Variants in SLC28A1 observed in about 807,000 individuals in gnomAD.
The protein encoded by SLC28A1 is sodium/nucleoside cotransporter 1.
Under a neutral mutation model 74.8 loss-of-function variants are expected in SLC28A1, and 64 were observed. The ratio of observed to expected loss-of-function variants is 0.86; its 90% confidence interval spans 0.70 to 1.05. The LOEUF is 1.05. Among genes scored for constraint, SLC28A1 ranks in the 50% least tolerant of loss-of-function variants. SLC28A1 has a pLI of 0.00. For synonymous variants in SLC28A1, 359 were observed against 335.0 expected (o/e 1.07, Z -0.78); for missense variants, 828 against 822.8 (o/e 1.01, Z -0.08).
chr15:84,887,226 T>C (rs774053625), intron 2 of SLC28A1, among the ~76,000 whole-genome samples: 1 of 152,228 alleles, frequency 6.6e-6, no homozygotes, highest in Non-Finnish European at 1.5e-5. Flanking sequence ...TAACCAGTTG[T>C]AGGGAGTGAT....
chr15:84,892,066 G>A lies in SLC28A1; in HGVS notation c.277+1532G>A, dbSNP rs1045975880. ...ATTAAAGAGGGGCCAGGCATGGCAG[G>A]TGGTTCATGCCTGTAATCCCAGCAC... On this transcript the variant is annotated intron_variant, in intron 5 of 18. Transcript: ENST00000394573. 2.0e-5 allele frequency among the ~76,000 whole-genome samples: 3 copies of A among 152,090 alleles called. No homozygotes were observed. The East Asian group carries it at 5.8e-4, about 29-fold the overall frequency.
intron 6 of SLC28A1, among the ~76,000 whole-genome samples, chr15:84,897,975 T>TA (rs1359393271): frequency 6.6e-6 from 1 of 152,220 alleles, no homozygotes; most frequent in Non-Finnish European, 1.5e-5. Flanking sequence ...CATTGTTTTT[T>TA]TATGGCTGAA....
intron 5 of SLC28A1, among the ~76,000 whole-genome samples, chr15:84,891,598 C>T (rs1338089549): frequency 2.0e-5 from 3 of 152,134 alleles, no homozygotes; most frequent in African/African-American, 7.2e-5. Context: ...GCCAAAGGAG[C>T]AAGGGTTTCA....
the SLC28A1 span, among the ~76,000 whole-genome samples, chr15:84,955,249 G>A: frequency 6.6e-6 from 1 of 152,080 alleles, no homozygotes; most frequent in Non-Finnish European, 1.5e-5. Context: ...CATCCCCTTT[G>A]GTGCCCATCT....
downstream of SLC28A1, among the ~76,000 whole-genome samples, chr15:84,946,098 A>ATTTT (rs1567196328): frequency 1.9e-4 from 3 of 15,506 alleles, 1 homozygote; most frequent in African/African-American, 5.4e-4. Flanking sequence ...ATATATATAT[A>ATTTT]TATATATATA....
chr15:84,908,569 C>T (rs534235574), intron 8 of SLC28A1, 149 bp from the exon 9 acceptor site: 136 of 705,792 alleles, frequency 1.9e-4, no homozygotes, highest in East Asian at 1.8e-3. Flanking sequence ...GCAGCTTTAA[C>T]GCACCTTGCC....
the SLC28A1 span, chr15:84,961,560 T>G: frequency 2.2e-6 from 1 of 450,988 alleles, no homozygotes; most frequent in Non-Finnish European, 4.4e-6. Context: ...AGGCTGGTCT[T>G]GAACTCCTGG....
chr15:84,928,606 T>TTCCTTC (rs1567172744), intron 12 of SLC28A1, among the ~76,000 whole-genome samples: 4 of 42,444 alleles, frequency 9.4e-5, no homozygotes, highest in African/African-American at 9.7e-5. Context: ...TTCTTTCTTT[T>TTCCTTC]CTTTCTTTCT....
chr15:84,902,540 C>T (rs918875508), intron 6 of SLC28A1, among the ~76,000 whole-genome samples: 11 of 150,976 alleles, frequency 7.3e-5, no homozygotes, highest in Admixed American at 4.0e-4. Context: ...TACCTGGGAA[C>T]GGGGAGGGAG....
chr15:84,974,973 T>C, the SLC28A1 span, among the ~76,000 whole-genome samples: 1 of 152,008 alleles, frequency 6.6e-6, no homozygotes, highest in Non-Finnish European at 1.5e-5. Flanking sequence ...GTAGGGATAG[T>C]GATGGGGTGA....
chr15:84,894,879 C>T, intron 5 of SLC28A1, 61 bp from the exon 6 acceptor site: 1 of 1,540,114 alleles, frequency 6.5e-7, no homozygotes, highest in Non-Finnish European at 9.0e-7. Context: ...GCGGGCGGGG[C>T]TGCAGGGTTC....
At chr15:84,952,145 C>T in the SLC28A1 span, among the ~76,000 whole-genome samples, 1 of 152,178 alleles carries the variant, frequency 6.6e-6, no homozygotes, top group African/African-American at 2.4e-5. Flanking sequence ...GAAGGACAGG[C>T]TTCTCAGGTC....
At position 84,906,573 on chromosome 15, in the gene SLC28A1, T is replaced by TG. The variant is rs1567140724; in HGVS notation, c.717+921_717+922insG. 2.7e-3 allele frequency among the ~76,000 whole-genome samples: 264 copies of TG among 98,058 alleles called. 5 individuals are homozygous for TG. The highest frequency in any genetic ancestry group is 6.7e-3 in the South Asian group (17 of 2,536). 64.3% of individuals were successfully genotyped at this position (98,058 alleles called of 152,430 possible). On this transcript the variant is annotated intron_variant, in intron 8 of 18. Transcript: ENST00000394573. ...CTTTCTTTCTTTCTTTCTCTTTCTT[T>TG]CTTCCTTCCTTCCTTCCTTCCTTCC...
chr15:84,964,591 G>C, the SLC28A1 span, among the ~76,000 whole-genome samples: 1 of 152,218 alleles, frequency 6.6e-6, no homozygotes, highest in Non-Finnish European at 1.5e-5. Flanking sequence ...AGTGGCTCCA[G>C]GGTTAATCCA....
the SLC28A1 span, among the ~76,000 whole-genome samples, chr15:84,964,739 A>G: frequency 6.6e-6 from 1 of 152,218 alleles, no homozygotes. Flanking sequence ...CAGGGCCATG[A>G]CTAGTAGAAA....
At chr15:84,885,526 G>T (rs1360317857) in intron 1 of SLC28A1, among the ~76,000 whole-genome samples, 3 of 152,050 alleles carry the variant, frequency 2.0e-5, no homozygotes, top group East Asian at 2.0e-4. Flanking sequence ...GAGGTTGGAA[G>T]TTCGAGACCA....
chr15:84,909,649 C>T (rs1967838118), intron 9 of SLC28A1, among the ~76,000 whole-genome samples: 2 of 152,206 alleles, frequency 1.3e-5, no homozygotes, highest in African/African-American at 4.8e-5. Context: ...CTCTGCCTGT[C>T]TTACACTCCA....
chr15:84,941,585 C>T (rs1972710633), intron 15 of SLC28A1, among the ~76,000 whole-genome samples: 1 of 151,864 alleles, frequency 6.6e-6, no homozygotes, highest in Non-Finnish European at 1.5e-5. Flanking sequence ...AAACTTATAA[C>T]GTTATCTGGA....
intron 10 of SLC28A1, among the ~76,000 whole-genome samples, chr15:84,920,081 G>C (rs148061063): frequency 1.3e-5 from 2 of 152,152 alleles, no homozygotes; most frequent in African/African-American, 4.8e-5. Flanking sequence ...GAGAGATTAG[G>C]CAAAGGGCAA....
Sources: gnomAD v4.1 joint callset for allele counts (sites outside exome capture counted in the v4.1 genomes callset) on GRCh38, gnomAD v4.1.1 for gene constraint, MANE v1.5 for transcripts, NCBI Gene and HGNC (gene_info 2026-07-23, HGNC 2026-07-21) for gene names.